LIMS2: variants seen among roughly 807,000 people sequenced by gnomAD.
LIMS2 encodes the protein LIM and senescent cell antigen-like-containing domain protein 2.
LIMS2 carries 30 observed loss-of-function variants against 45.3 expected under a neutral mutation model. That is an observed-to-expected ratio of 0.66 (90% confidence interval 0.50 to 0.90). The LOEUF (loss-of-function observed/expected upper bound fraction) is 0.90, where lower values mean the gene tolerates loss of function less well. Among genes scored for constraint, LIMS2 ranks in the 40% least tolerant of loss-of-function variants. LIMS2 has a pLI of 0.00. For synonymous variants in LIMS2, 173 were observed against 188.0 expected (o/e 0.92, Z 0.65); for missense variants, 485 against 468.7 (o/e 1.03, Z -0.32).
intron 1 of LIMS2, among the ~76,000 whole-genome samples, chr2:127,662,121 G>A (rs1487464994): frequency 1.3e-5 from 2 of 152,162 alleles, no homozygotes; most frequent in Non-Finnish European, 2.9e-5. Flanking sequence ...CTATAGCCAG[G>A]CACACCAGGC....
Position 127,664,518 on chromosome 2 carries a change from C to T in LIMS2, c.12-6956G>A. 1 of 1,153,468 alleles carries T rather than the reference C, an allele frequency of 8.7e-7. No individual in the cohort carries two copies. Among genetic ancestry groups the T allele is most frequent in the Non-Finnish European group, 1.1e-6 (1 of 938,086 alleles). The allele number at this position is 1,153,468 out of a possible 1,614,324, so 71.5% of individuals were successfully genotyped here. On this transcript the variant is annotated intron_variant, in intron 1 of 9. Transcript: ENST00000355119. The surrounding 1 kb of genome is among the most constrained non-coding windows in gnomAD (Gnocchi z 5.5). ...ACGGGACGGGCGTGTGGGCGCCTCC[C>T]CCGCGCTGGTCGCGAGCTCACGTTA...
In LIMS2 at chr2:127,653,889, T is replaced by A. The variant is rs1573807951; in HGVS notation, c.359+535A>T. Among the ~76,000 whole-genome samples the A allele has an allele frequency of 6.6e-6, 1 of 151,092 alleles. No individual in the cohort carries two copies. ...GTGGAGAAGCAAGCCCTGGAGAAAG[T>A]GTGGGGATGAACAGGGCTCACAGAC... On this transcript the variant is annotated intron_variant, in intron 4 of 9. Transcript: ENST00000355119. This position sits in a 1 kb window ranked among gnomAD's most constrained non-coding sequence, Gnocchi z 5.3.
intron 9 of LIMS2, 95 bp downstream of exon 9, chr2:127,639,975 C>A: frequency 1.5e-6 from 2 of 1,324,186 alleles, no homozygotes; most frequent in African/African-American, 1.4e-5. Context: ...TATCCCCAGG[C>A]CAGACTCAGC....
Position 127,664,639 on chromosome 2 carries a change from G to T in LIMS2, c.12-7077C>A. The T allele has an allele frequency of 9.1e-7, 1 of 1,094,512 alleles. No homozygotes were observed. The highest frequency in any genetic ancestry group is 1.1e-6 in the Non-Finnish European group (1 of 900,936). The allele number at this position is 1,094,512 out of a possible 1,614,324, so 67.8% of individuals were successfully genotyped here. A position where few individuals can be genotyped will look rare whatever the true frequency, so the allele number is the denominator to read the frequency against. On this transcript the variant is annotated intron_variant, in intron 1 of 9. Coordinates refer to ENST00000355119, the MANE Select transcript of LIMS2 (RefSeq NM_001161403.3). The surrounding 1 kb of genome is among the most constrained non-coding windows in gnomAD (Gnocchi z 5.5). ...AGCTCCTGAAAGCTGAGGCTGGCGG[G>T]GGTTGGGTCCCGCTGGGAGGGGACT...
intron 4 of LIMS2, among the ~76,000 whole-genome samples, chr2:127,649,385 T>A (rs773115729): frequency 2.6e-5 from 4 of 152,190 alleles, no homozygotes. Flanking sequence ...CAAACCTCTC[T>A]CCAGCCTCTG....
At chr2:127,652,448 G>A (rs1683908193) in intron 4 of LIMS2, 1 of 167,368 alleles carries the variant, frequency 6.0e-6, no homozygotes, top group Non-Finnish European at 1.5e-5. Context: ...ACAAGCATGT[G>A]CAGTCACGGG....
chr2:127,640,298 GT>G lies in LIMS2; in HGVS notation c.773del (p.Tyr258SerfsTer6). 6.2e-7 allele frequency: 1 copy of G among 1,613,168 alleles called. No homozygotes were observed. Among genetic ancestry groups the G allele is most frequent in the Non-Finnish European group, 8.5e-7 (1 of 1,179,972 alleles). ...HYNQLFGDVC[Y>X]NCSHVIEGDV... ...CGCCTTCAATCACATGGCTGCAGTT[GT>G]AGCAGACGTCCCCGAAGAGCTGTGG... On this transcript the variant is annotated frameshift_variant, in exon 8 of 10. Transcript: ENST00000355119. LOFTEE classifies it high-confidence loss of function.
chr2:127,665,277 G>C (rs950202665), intron 1 of LIMS2, among the ~76,000 whole-genome samples: 3 of 152,192 alleles, frequency 2.0e-5, no homozygotes, highest in Non-Finnish European at 4.4e-5. Context: ...AGCTTGAGCA[G>C]TATCTTCTTC....
Position 127,642,853 on chromosome 2 carries a change from C to CCA in LIMS2, c.509+68_509+69dup. 1 of 1,501,616 alleles carries CCA rather than the reference C, an allele frequency of 6.7e-7. No homozygotes were observed. The highest frequency in any genetic ancestry group is 9.0e-7 in the Non-Finnish European group (1 of 1,114,002). The allele number at this position is 1,501,616 out of a possible 1,614,324, so 93.0% of individuals were successfully genotyped here. ...CTCAACACTTCCCCAGGTGGAGGCC[C>CCA]CACCGCCCTTACCCTGGGCCAGCCC... On this transcript the variant is annotated intron_variant, in intron 5 of 9. Transcript: ENST00000355119. This position sits in a 1 kb window ranked among gnomAD's most constrained non-coding sequence, Gnocchi z 5.3.
intron 1 of LIMS2, among the ~76,000 whole-genome samples, chr2:127,665,077 G>A (rs561586453): frequency 6.6e-6 from 1 of 152,150 alleles, no homozygotes; most frequent in Non-Finnish European, 1.5e-5. Context: ...CACCAGGAAG[G>A]CACCATGTAC....
intron 1 of LIMS2, among the ~76,000 whole-genome samples, chr2:127,662,443 T>C (rs1684730575): frequency 6.6e-6 from 1 of 151,732 alleles, no homozygotes; most frequent in Non-Finnish European, 1.5e-5. Context: ...CCCGCCTCCA[T>C]GAAGCCAGCC....
chr2:127,639,971 C>T lies in LIMS2; in HGVS notation c.878+99G>A. On this transcript the variant is annotated intron_variant, in intron 9 of 9. Coordinates refer to ENST00000355119, the MANE Select transcript of LIMS2 (RefSeq NM_001161403.3). ...CTGCCCCTTGTCCCCACCATATCCC[C>T]AGGCCAGACTCAGCTGGTGTGCAGG... The T allele has an allele frequency of 2.3e-6, 3 of 1,297,088 alleles. No homozygotes were observed. In the South Asian group the frequency reaches 3.7e-5, roughly 16 times the overall value. The allele number at this position is 1,297,088 out of a possible 1,614,324, so 80.3% of individuals were successfully genotyped here.
At chr2:127,659,435 C>A (rs963123161) in intron 1 of LIMS2, among the ~76,000 whole-genome samples, 1 of 152,084 alleles carries the variant, frequency 6.6e-6, no homozygotes, top group South Asian at 2.1e-4. Context: ...CTGGTCTCCA[C>A]GGGGCGAGCC....
At position 127,664,864 on chromosome 2, in the gene LIMS2, C is replaced by T. The variant is rs1290509513; in HGVS notation, c.12-7302G>A. On this transcript the variant is annotated intron_variant, in intron 1 of 9. Transcript: ENST00000355119. This position sits in a 1 kb window ranked among gnomAD's most constrained non-coding sequence, Gnocchi z 5.5. ...ACAGTTAGGAAACCGAGGACCGGAG[C>T]CACACAGGCCCACATTCTGCTTTGC... Among the ~76,000 whole-genome samples, 4 of 152,212 alleles carry T rather than the reference C, an allele frequency of 2.6e-5. No homozygotes were observed. Among genetic ancestry groups the T allele is most frequent in the Non-Finnish European group, 5.9e-5 (4 of 68,028 alleles).
intron 1 of LIMS2, chr2:127,674,679 G>C (rs1008933337): frequency 7.1e-6 from 7 of 985,316 alleles, no homozygotes; most frequent in Non-Finnish European, 8.4e-6. Flanking sequence ...CGCAACCTTT[G>C]AACCTTTTGC....
chr2:127,673,745 T>A, intron 1 of LIMS2: 1 of 1,551,190 alleles, frequency 6.4e-7, no homozygotes, highest in Non-Finnish European at 8.7e-7. Flanking sequence ...TTTCTTTTCC[T>A]AGAAAACAGG....
Position 127,639,241 on chromosome 2 carries a change from G to T in LIMS2, c.*40C>A, listed in dbSNP as rs769635125. The T allele has an allele frequency of 6.2e-7, 1 of 1,604,818 alleles. No homozygotes were observed. On this transcript the variant is annotated 3_prime_UTR_variant, in exon 10 of 10. Coordinates refer to ENST00000355119, the MANE Select transcript of LIMS2 (RefSeq NM_001161403.3). Reference sequence around the variant, plus strand: ...GCCAAGCATGGACAGCAGGAGGGGAGAAGGCGGAGGGGCCGAGAGGCAGCT... The same window carrying T: ...GCCAAGCATGGACAGCAGGAGGGGATAAGGCGGAGGGGCCGAGAGGCAGCT...
intron 4 of LIMS2, chr2:127,651,878 CA>C: frequency 1.1e-6 from 1 of 878,322 alleles, no homozygotes; most frequent in Non-Finnish European, 1.8e-6. Flanking sequence ...AGATGCCCAC[CA>C]TTTCTCTAGA....
intron 1 of LIMS2, among the ~76,000 whole-genome samples, chr2:127,658,880 G>A (rs981280137): frequency 8.5e-5 from 13 of 152,148 alleles, no homozygotes; most frequent in Non-Finnish European, 1.3e-4. Flanking sequence ...ATACCTCTCC[G>A]CCTGCTCTGC....
Sources: gnomAD v4.1 joint callset for allele counts (sites outside exome capture counted in the v4.1 genomes callset) on GRCh38, gnomAD v4.1.1 for gene constraint, Gnocchi (gnomAD v3.1) non-coding constraint, MANE v1.5 for transcripts, NCBI Gene and HGNC (gene_info 2026-07-23, HGNC 2026-07-21) for gene names.